The following ZNF470 variants were observed in gnomAD, a reference collection of about 807,000 sequenced individuals.
ZNF470 encodes the protein zinc finger protein 470.
A neutral mutation model predicts 13.9 loss-of-function variants in ZNF470; 13 were observed. The ratio of observed to expected loss-of-function variants is 0.94; its 90% CI spans 0.61 to 1.49. ZNF470 has a LOEUF of 1.49. ZNF470 is among the 40% of genes most tolerant of loss of function. The pLI is 0.00. For synonymous variants in ZNF470, 293 were observed against 282.9 expected, an observed-to-expected ratio of 1.04 and a Z score of -0.36; for missense variants, 929 against 857.3, an observed-to-expected ratio of 1.08 and a Z score of -1.04.
chr19:56,578,671 T>G lies in ZNF470; in HGVS notation c.*88T>G. 1 of 1,345,702 alleles carries G rather than the reference T, an allele frequency of 7.4e-7. No individual in the cohort carries two copies. The highest frequency in any genetic ancestry group is 9.6e-7 in the Non-Finnish European group (1 of 1,044,184). 83.4% of individuals were successfully genotyped at this position (1,345,702 alleles called of 1,614,324 possible). On this transcript the variant is annotated 3_prime_UTR_variant, in exon 6 of 6. Transcript: ENST00000330619. ...TAGTCCAAGACGCAACCATCTCATC[T>G]GGATTTCTGCAGTAGCATAACTGTT...
Position 56,568,837 on chromosome 19 carries a change from C to A in ZNF470, c.-79C>A, listed in dbSNP as rs2044430389. 6.6e-6 allele frequency: 1 copy of A among 152,156 alleles called. No individual in the cohort carries two copies. The highest frequency in any genetic ancestry group is 6.5e-5 in the Admixed American group (1 of 15,272). 9.4% of individuals were successfully genotyped at this position (152,156 alleles called of 1,614,324 possible). ...GGGATTCAGATCCAGAACAGGCTGA[C>A]TCCAGAGTCACTGGCTGTCATGTAG... On this transcript the variant is annotated 5_prime_UTR_variant, in exon 2 of 6. Transcript: ENST00000330619.
At position 56,580,668 on chromosome 19, in the gene ZNF470, T is replaced by G. The variant is rs917784573; in HGVS notation, c.*2085T>G. On this transcript the variant is annotated 3_prime_UTR_variant, in exon 6 of 6. Coordinates refer to ENST00000330619, the MANE Select transcript of ZNF470 (RefSeq NM_001001668.4). Reference sequence around the variant, plus strand: ...CTCTTAACTGCTTTCTGTGGAAGTATAGAGGGCCATGTGAGGGAAGCCGTT... The same window carrying G: ...CTCTTAACTGCTTTCTGTGGAAGTAGAGAGGGCCATGTGAGGGAAGCCGTT... 3 of 172,616 alleles carry G rather than the reference T, an allele frequency of 1.7e-5. No individual in the cohort carries two copies. Among genetic ancestry groups the G allele is most frequent in the Non-Finnish European group, 3.4e-5 (3 of 87,400 alleles). The allele number at this position is 172,616 out of a possible 1,614,324, so 10.7% of individuals were successfully genotyped here. A position where few individuals can be genotyped will look rare whatever the true frequency, so the allele number is the denominator to read the frequency against.
Position 56,581,634 on chromosome 19 carries a change from C to G in ZNF470, c.*3051C>G. The G allele has an allele frequency of 1.1e-6, 1 of 922,562 alleles. No homozygotes were observed. The highest frequency in any genetic ancestry group is 5.0e-5 in the South Asian group (1 of 19,924). The allele number at this position is 922,562 out of a possible 1,614,324, so 57.1% of individuals were successfully genotyped here. ...CTATACTAAATGAAAAATTGCAGACCTGTATTGTAGTATAGGCCCATAATT... is the reference window on the plus strand; with the variant it reads ...CTATACTAAATGAAAAATTGCAGACGTGTATTGTAGTATAGGCCCATAATT... On this transcript the variant is annotated 3_prime_UTR_variant, in exon 6 of 6. Transcript: ENST00000330619.
rs2044521607 is a variant in ZNF470 at position 56,579,748 on chromosome 19, A to T, written c.*1165A>T. 1 of 973,682 alleles carries T rather than the reference A, an allele frequency of 1.0e-6. No individual in the cohort carries two copies. The highest frequency in any genetic ancestry group is 1.2e-6 in the Non-Finnish European group (1 of 819,228). 60.3% of individuals were successfully genotyped at this position (973,682 alleles called of 1,614,324 possible). On this transcript the variant is annotated 3_prime_UTR_variant, in exon 6 of 6. Coordinates refer to ENST00000330619, the MANE Select transcript of ZNF470 (RefSeq NM_001001668.4). ...ACTTAAACTTATTTTTAAAATATTT[A>T]AAAATAGGAAGGCTAGACATGCCTC... is the stretch of plus-strand genomic sequence containing the variant.
In ZNF470 at chr19:56,576,958, T is replaced by A; in HGVS notation, c.529T>A (p.Ser177Thr). Residue 177 changes from serine to threonine, a missense_variant, in exon 6 of 6, where the codon TCT (serine) becomes ACT (threonine). Physicochemically the swap from Ser to Thr is moderately conservative, Grantham distance 58 (BLOSUM62 1). Transcript: ENST00000330619. ...LIEKRDHSNK[S>T]GTVFHLNTLS... is the part of the protein sequence containing the mutation. ...TGAAAAAAGAGATCACTCTAACAAA[T>A]CTGGGACAGTTTTTCATCTGAATAC... The A allele has an allele frequency of 6.3e-7, 1 of 1,587,780 alleles. No individual in the cohort carries two copies. The highest frequency in any genetic ancestry group is 1.2e-5 in the South Asian group (1 of 86,468).
Position 56,567,774 on chromosome 19 carries a change from A to G in ZNF470, c.-423A>G. On this transcript the variant is annotated 5_prime_UTR_variant, in exon 1 of 6. Transcript: ENST00000330619. ...CGTGCATGGCCCGGCGGCGTGCGGAAGGCGGTGTGTGTTGGAATGAGTGAA... is the reference window on the plus strand; with the variant it reads ...CGTGCATGGCCCGGCGGCGTGCGGAGGGCGGTGTGTGTTGGAATGAGTGAA... The G allele has an allele frequency of 1.0e-6, 1 of 987,236 alleles. No homozygotes were observed. The highest frequency in any genetic ancestry group is 1.2e-6 in the Non-Finnish European group (1 of 831,316). 61.2% of individuals were successfully genotyped at this position (987,236 alleles called of 1,614,324 possible).
At position 56,567,876 on chromosome 19, in the gene ZNF470, G is replaced by T. The variant is rs1432423137; in HGVS notation, c.-321G>T. 2.0e-6 allele frequency: 2 copies of T among 985,302 alleles called. No homozygotes were observed. Among genetic ancestry groups the T allele is most frequent in the South Asian group, 4.7e-5 (1 of 21,298 alleles). The allele number at this position is 985,302 out of a possible 1,614,324, so 61.0% of individuals were successfully genotyped here. ...TTCTCCCCTGTATCGACTGCGTAGA[G>T]CCCAGTGTGGGCAAAGTCCTAGAGC... On this transcript the variant is annotated 5_prime_UTR_variant, in exon 1 of 6. Transcript: ENST00000330619.
rs1187089419 is a variant in ZNF470, at chr19:56,577,877, G to A, written c.1448G>A (p.Cys483Tyr). 1.2e-6 allele frequency: 2 copies of A among 1,613,970 alleles called. No homozygotes were observed. Among genetic ancestry groups the A allele is most frequent in the East Asian group, 2.2e-5 (1 of 44,878 alleles). The stretch of plus-strand genomic sequence containing the variant: ...CATACTGGAGAGAAACCCTATGAAT[G>A]TAAAGAATGTGGGAAAGCTTTCCGG... ...RVHTGEKPYE[C>Y]KECGKAFRQS... Residue 483 changes from cysteine (C) to tyrosine (Y), a missense_variant, in exon 6 of 6, where the codon TGT (cysteine) becomes TAT (tyrosine). Physicochemically the swap from Cys to Tyr is radical, Grantham distance 194. Coordinates refer to ENST00000330619, the MANE Select transcript of ZNF470 (RefSeq NM_001001668.4).
rs1034933242 is a variant in ZNF470, at chr19:56,567,502, C to A, written c.-695C>A. 41 of 985,892 alleles carry A rather than the reference C, an allele frequency of 4.2e-5. No homozygotes were observed. Among genetic ancestry groups the A allele is most frequent in the East Asian group, 3.4e-4 (3 of 8,830 alleles). The allele number at this position is 985,892 out of a possible 1,614,324, so 61.1% of individuals were successfully genotyped here. ...AAGGACCCAAAGCCGGGCGAGTGCA[C>A]GTCCCGCCGGTTGCTGAGGAGAAGG... On this transcript the variant is annotated 5_prime_UTR_variant, in exon 1 of 6. Transcript: ENST00000330619.
chr19:56,582,288 C>CT lies in ZNF470; in HGVS notation c.*3706dup. 1 of 985,158 alleles carries CT rather than the reference C, an allele frequency of 1.0e-6. No individual in the cohort carries two copies. 61.0% of individuals were successfully genotyped at this position (985,158 alleles called of 1,614,324 possible). On this transcript the variant is annotated 3_prime_UTR_variant, in exon 6 of 6. Coordinates refer to ENST00000330619, the MANE Select transcript of ZNF470 (RefSeq NM_001001668.4). ...CAAAAGGTATATGTAATACTGGTAT[C>CT]TAACTGCTTGGAATAACTTAAAGTT...
chr19:56,570,162 G>A, intron 2 of ZNF470, 118 bp from the exon 3 acceptor site: 1 of 673,974 alleles, frequency 1.5e-6, no homozygotes, highest in Admixed American at 2.5e-5. Flanking sequence ...GGACTGTGGG[G>A]TGGGGGAGTT....
chr19:56,574,351 A>C (rs748162068), intron 3 of ZNF470, 43 bp from the exon 4 acceptor site: 1 of 1,612,826 alleles, frequency 6.2e-7, no homozygotes, highest in South Asian at 1.1e-5. Context: ...CTGCATTGGA[A>C]TGTGAACACT....
Position 56,580,086 on chromosome 19 carries a change from A to T in ZNF470, c.*1503A>T. On this transcript the variant is annotated 3_prime_UTR_variant, in exon 6 of 6. Coordinates refer to ENST00000330619, the MANE Select transcript of ZNF470 (RefSeq NM_001001668.4). ...ATGTGATAAGTATATGATATGTCCC[A>T]TAAAGAGAAATGATATAAAAAAGAA... 1.1e-6 allele frequency: 1 copy of T among 895,492 alleles called. No homozygotes were observed. Among genetic ancestry groups the T allele is most frequent in the Non-Finnish European group, 1.3e-6 (1 of 748,134 alleles). 55.5% of individuals were successfully genotyped at this position (895,492 alleles called of 1,614,324 possible). A position where few individuals can be genotyped will look rare whatever the true frequency, so the allele number is the denominator to read the frequency against.
chr19:56,571,775 ATTT>A (rs35836571), intron 3 of ZNF470, among the ~76,000 whole-genome samples: 2,624 of 131,944 alleles, frequency 0.02, 86 homozygotes, highest in African/African-American at 0.069. Flanking sequence ...CACCTGGCTA[ATTT>A]TTTTTTTTTT....
rs759569419 is a variant in ZNF470, at chr19:56,577,296, T to G, written c.867T>G (p.Cys289Trp). Residue 289 changes from cysteine to tryptophan, a missense_variant, in exon 6 of 6, where the codon TGT becomes TGG. Coordinates refer to ENST00000330619, the MANE Select transcript of ZNF470 (RefSeq NM_001001668.4). ...AAAAACCTTTTGAATGTACTGAATG[T>G]GGGAAAGCCTTCAGCCAGAATGCTC... is the stretch of plus-strand genomic sequence containing the variant. ...TGEKPFECTE[C>W]GKAFSQNAHL... The G allele has an allele frequency of 2.5e-6, 4 of 1,613,698 alleles. No individual in the cohort carries two copies. The highest frequency in any genetic ancestry group is 3.4e-6 in the Non-Finnish European group (4 of 1,179,806).
At position 56,577,087 on chromosome 19, in the gene ZNF470, C is replaced by G; in HGVS notation, c.658C>G (p.Gln220Glu). Residue 220 changes from glutamine (Q) to glutamate (E), a missense_variant, in exon 6 of 6, where the codon CAA becomes GAA. Physicochemically the swap from Gln to Glu is conservative, Grantham distance 29 (BLOSUM62 2). Transcript: ENST00000330619. ...KTHSVVKKHK[Q>E]DRGEKKLLKC... ...ACATTCAGTTGTGAAAAAACACAAG[C>G]AAGACCGTGGAGAAAAGAAACTTTT... 6.2e-7 allele frequency: 1 copy of G among 1,604,616 alleles called. No homozygotes were observed. Among genetic ancestry groups the G allele is most frequent in the African/African-American group, 1.3e-5 (1 of 74,152 alleles).
Position 56,579,425 on chromosome 19 carries a change from G to A in ZNF470, c.*842G>A, listed in dbSNP as rs1238075934. ...CAGCAGAGCCAGACACTGTCTCAAG[G>A]AAAAACAAAGAACAAAAGCATTTGG... On this transcript the variant is annotated 3_prime_UTR_variant, in exon 6 of 6. Transcript: ENST00000330619. 3.0e-6 allele frequency: 3 copies of A among 985,046 alleles called. No homozygotes were observed. Among genetic ancestry groups the A allele is most frequent in the Non-Finnish European group, 3.6e-6 (3 of 829,686 alleles). 61.0% of individuals were successfully genotyped at this position (985,046 alleles called of 1,614,324 possible). A position where few individuals can be genotyped will look rare whatever the true frequency, so the allele number is the denominator to read the frequency against.
Position 56,580,924 on chromosome 19 carries a change from A to G in ZNF470, c.*2341A>G, listed in dbSNP as rs2044530713. The G allele has an allele frequency of 1.0e-6, 1 of 985,134 alleles. No individual in the cohort carries two copies. The highest frequency in any genetic ancestry group is 1.2e-6 in the Non-Finnish European group (1 of 829,674). 61.0% of individuals were successfully genotyped at this position (985,134 alleles called of 1,614,324 possible). A position where few individuals can be genotyped will look rare whatever the true frequency, so the allele number is the denominator to read the frequency against. ...AAAACAGATCTGTACCTTTCACACT[A>G]ATGAAATGCCTGAGATATTAAAGGT... On this transcript the variant is annotated 3_prime_UTR_variant, in exon 6 of 6. Coordinates refer to ENST00000330619, the MANE Select transcript of ZNF470 (RefSeq NM_001001668.4).
intron 1 of ZNF470, among the ~76,000 whole-genome samples, chr19:56,568,515 T>C (rs2044427590): frequency 6.6e-6 from 1 of 152,064 alleles, no homozygotes; most frequent in Non-Finnish European, 1.5e-5. Context: ...ACGGAAGATA[T>C]CCCCATTCCT....
Sources: allele counts gnomAD v4.1 joint callset (sites outside exome capture counted in the v4.1 genomes callset), GRCh38; gene constraint gnomAD v4.1.1; transcripts MANE v1.5; gene names NCBI Gene and HGNC (gene_info 2026-07-23, HGNC 2026-07-21).